The following DCLK1 variants were observed in gnomAD, a reference collection of about 807,000 sequenced individuals.
DCLK1 encodes the protein doublecortin like kinase 1.
A neutral mutation model predicts 86.2 loss-of-function variants in DCLK1; 16 were observed. The ratio of observed to expected loss-of-function variants is 0.19; its 90% CI spans 0.13 to 0.28. DCLK1 has a LOEUF of 0.28. Ranked by LOEUF, DCLK1 falls within the 10% of genes least tolerant of loss-of-function variation. The pLI is 1.00. For synonymous variants in DCLK1, 369 were observed against 370.5 expected (o/e 1.00, Z 0.05); for missense variants, 590 against 940.2 (o/e 0.63, Z 4.87).
At chr13:35,800,132 C>T (rs921105069) in intron 15 of DCLK1, among the ~76,000 whole-genome samples, 3 of 152,140 alleles carry the variant, frequency 2.0e-5, no homozygotes, top group African/African-American at 7.2e-5. Flanking sequence ...TCTCATTCAC[C>T]AACATTAATC....
At chr13:35,930,294 T>C (rs1876357423) in intron 4 of DCLK1, among the ~76,000 whole-genome samples, 1 of 152,202 alleles carries the variant, frequency 6.6e-6, no homozygotes. Flanking sequence ...ATATTTCAAA[T>C]AGGAACAAAA....
intron 3 of DCLK1, among the ~76,000 whole-genome samples, chr13:35,970,037 T>C (rs577783123): frequency 3.9e-5 from 6 of 152,314 alleles, no homozygotes; most frequent in Admixed American, 3.9e-4. Context: ...TATAAGCCAC[T>C]CAGTCTATGG....
chr13:35,899,381 G>C lies in DCLK1; in HGVS notation c.824-28041C>G, dbSNP rs542286700. On this transcript the variant is annotated intron_variant, in intron 4 of 16. Coordinates refer to ENST00000360631, the MANE Select transcript of DCLK1 (RefSeq NM_001330071.2). ...TGTGTGTGTGTGTGAGAGAGAGAGAGAGAGAGAGAAAGAAGACAATTAAGT... is the reference window on the plus strand; with the variant it reads ...TGTGTGTGTGTGTGAGAGAGAGAGACAGAGAGAGAAAGAAGACAATTAAGT... Among the ~76,000 whole-genome samples, 407 of 151,540 alleles carry C rather than the reference G, an allele frequency of 2.7e-3. 5 individuals are homozygous for C. Among genetic ancestry groups the C allele is most frequent in the African/African-American group, 9.5e-3 (391 of 41,188 alleles).
chr13:35,809,717 C>T (rs781620433), intron 12 of DCLK1, among the ~76,000 whole-genome samples: 7 of 152,144 alleles, frequency 4.6e-5, no homozygotes, highest in Non-Finnish European at 1.0e-4. Flanking sequence ...CCCCAGGCAG[C>T]CCCACCTGAG....
chr13:36,083,113 G>T (rs1313659856), intron 3 of DCLK1, among the ~76,000 whole-genome samples: 1 of 152,140 alleles, frequency 6.6e-6, no homozygotes, highest in Non-Finnish European at 1.5e-5. Context: ...AGTCCTTAGG[G>T]AATGGAGGGT....
chr13:36,021,994 A>G (rs564613497), intron 3 of DCLK1, among the ~76,000 whole-genome samples: 1 of 152,212 alleles, frequency 6.6e-6, no homozygotes, highest in African/African-American at 2.4e-5. Context: ...TAAACCATGT[A>G]TTAAGCCATA....
chr13:36,071,780 G>A (rs1476542436), intron 3 of DCLK1, among the ~76,000 whole-genome samples: 4 of 152,168 alleles, frequency 2.6e-5, no homozygotes, highest in Admixed American at 2.6e-4. Context: ...CAGTTTGATT[G>A]ACATAAAGTG....
At chr13:35,983,426 C>T (rs1212973840) in intron 3 of DCLK1, among the ~76,000 whole-genome samples, 1 of 152,150 alleles carries the variant, frequency 6.6e-6, no homozygotes, top group African/African-American at 2.4e-5. Flanking sequence ...GGCCTGCTCA[C>T]CATGTCCTGG....
At position 35,861,970 on chromosome 13, in the gene DCLK1, A is replaced by T. The variant is rs1048228062; in HGVS notation, c.941-7377T>A. Among the ~76,000 whole-genome samples, 5 of 144,048 alleles carry T rather than the reference A, an allele frequency of 3.5e-5. No homozygotes were observed. In the East Asian group the frequency reaches 8.8e-4, roughly 25 times the overall value. 94.5% of individuals were successfully genotyped at this position (144,048 alleles called of 152,430 possible). A position where few individuals can be genotyped will look rare whatever the true frequency, so the allele number is the denominator to read the frequency against. On this transcript the variant is annotated intron_variant, in intron 5 of 16. Transcript: ENST00000360631. ...TGGCATGAACCCAGGAGGCGGAGCT[A>T]GCAGTGAGCGGAGATTGCGCCCACC...
intron 3 of DCLK1, among the ~76,000 whole-genome samples, chr13:35,956,954 T>C (rs1290553549): frequency 2.0e-5 from 3 of 152,164 alleles, no homozygotes; most frequent in African/African-American, 4.8e-5. Context: ...TATAAAACTT[T>C]GCAAATAACT....
chr13:36,087,940 G>C (rs1156537729), intron 3 of DCLK1, among the ~76,000 whole-genome samples: 3 of 152,178 alleles, frequency 2.0e-5, no homozygotes, highest in Non-Finnish European at 4.4e-5. Flanking sequence ...AGGAAGTCTT[G>C]GGTAGCACTA....
intron 11 of DCLK1, 138 bp downstream of exon 11, chr13:35,822,591 A>G (rs2087421811): frequency 1.6e-6 from 2 of 1,255,926 alleles, no homozygotes; most frequent in Non-Finnish European, 2.2e-6. Flanking sequence ...GCTAGTTTCC[A>G]ACTAGCTCCT....
intron 1 of DCLK1, among the ~76,000 whole-genome samples, chr13:36,127,721 C>T (rs540826133): frequency 2.6e-5 from 4 of 152,292 alleles, no homozygotes; most frequent in African/African-American, 7.2e-5. Flanking sequence ...CCCCTGCTTT[C>T]TTCCTGATCT....
intron 3 of DCLK1, among the ~76,000 whole-genome samples, chr13:36,092,019 C>A (rs1884843491): frequency 6.6e-6 from 1 of 152,054 alleles, no homozygotes; most frequent in Admixed American, 6.6e-5. Context: ...CTTGCCAATA[C>A]CTTATAGTAT....
At chr13:36,091,365 A>T (rs1490111994) in intron 3 of DCLK1, among the ~76,000 whole-genome samples, 2 of 152,194 alleles carry the variant, frequency 1.3e-5, no homozygotes, top group Non-Finnish European at 2.9e-5. Context: ...AAAGTAAAAT[A>T]AAAAAATTTA....
intron 6 of DCLK1, among the ~76,000 whole-genome samples, chr13:35,851,797 G>T (rs1870662807): frequency 6.6e-6 from 1 of 152,174 alleles, no homozygotes; most frequent in South Asian, 2.1e-4. Flanking sequence ...ATTCCAAAAT[G>T]TCAAAAGAGG....
At chr13:35,814,554 C>A (rs1475787115) in intron 11 of DCLK1, among the ~76,000 whole-genome samples, 1 of 152,172 alleles carries the variant, frequency 6.6e-6, no homozygotes, top group African/African-American at 2.4e-5. Flanking sequence ...GGTGTAAGAA[C>A]TTTTTGCCAT....
At chr13:35,905,435 G>A (rs1874634234) in intron 4 of DCLK1, among the ~76,000 whole-genome samples, 1 of 152,178 alleles carries the variant, frequency 6.6e-6, no homozygotes, top group African/African-American at 2.4e-5. Context: ...GAGCCAGGAG[G>A]CGCACAGCCC....
At chr13:35,840,192 C>T (rs371600573) in intron 6 of DCLK1, among the ~76,000 whole-genome samples, 2 of 152,140 alleles carry the variant, frequency 1.3e-5, no homozygotes, top group Non-Finnish European at 2.9e-5. Flanking sequence ...ACCTATTTTT[C>T]CTCTGCTTAC....
Sources: gnomAD v4.1 joint callset for allele counts (sites outside exome capture counted in the v4.1 genomes callset) on GRCh38, gnomAD v4.1.1 for gene constraint, MANE v1.5 for transcripts, NCBI Gene and HGNC (gene_info 2026-07-23, HGNC 2026-07-21) for gene names.